The following LUZP2 variants were observed in gnomAD, a reference collection of about 807,000 sequenced individuals.
The protein encoded by LUZP2 is leucine zipper protein 2.
In LUZP2, 52 loss-of-function variants were observed where a neutral mutation model predicts 51.6. The ratio of observed to expected loss-of-function variants is 1.01; its 90% confidence interval spans 0.81 to 1.27. The LOEUF (loss-of-function observed/expected upper bound fraction) is 1.27. Ranked by LOEUF, LUZP2 falls within the 50% of genes most tolerant of loss-of-function variation. LUZP2 has a pLI of 0.00. For synonymous variants in LUZP2, 154 were observed against 137.3 expected, an observed-to-expected ratio of 1.12 and a Z score of -0.85; for missense variants, 436 against 395.4, an observed-to-expected ratio of 1.10 and a Z score of -0.87.
intron 5 of LUZP2, among the ~76,000 whole-genome samples, chr11:24,849,168 A>T (rs1851304672): frequency 1.3e-5 from 2 of 152,092 alleles, no homozygotes; most frequent in African/African-American, 4.8e-5. Context: ...TCTGGTATAT[A>T]TGTGCAGAAC....
intron 1 of LUZP2, among the ~76,000 whole-genome samples, chr11:24,548,892 T>C (rs1261387050): frequency 1.3e-5 from 2 of 152,016 alleles, no homozygotes; most frequent in African/African-American, 2.4e-5. Flanking sequence ...AATTGGTTAA[T>C]TTATTGTATA....
At chr11:24,554,185 T>C (rs554071280) in intron 1 of LUZP2, among the ~76,000 whole-genome samples, 1 of 152,260 alleles carries the variant, frequency 6.6e-6, no homozygotes, top group South Asian at 2.1e-4. Context: ...AAAACTGAAA[T>C]CTTCTAGGTA....
intron 5 of LUZP2, among the ~76,000 whole-genome samples, chr11:24,879,021 C>G (rs762480616): frequency 2.6e-5 from 4 of 151,850 alleles, no homozygotes; most frequent in African/African-American, 4.8e-5. Flanking sequence ...GACTGGAGTA[C>G]AGTGGCTCAA....
chr11:25,030,888 ATATTAT>A (rs1471683600), intron 9 of LUZP2, among the ~76,000 whole-genome samples: 3 of 10,976 alleles, frequency 2.7e-4, no homozygotes, highest in East Asian at 0.026. Context: ...GTTACTATAT[ATATTAT>A]ATATATATAT....
At chr11:24,538,010 C>T (rs1851235051) in intron 1 of LUZP2, among the ~76,000 whole-genome samples, 1 of 125,304 alleles carries the variant, frequency 8.0e-6, no homozygotes. Flanking sequence ...TTTTATAGGG[C>T]CACTTCTTTG....
intron 5 of LUZP2, among the ~76,000 whole-genome samples, chr11:24,884,801 G>C (rs2134305204): frequency 6.6e-6 from 1 of 152,140 alleles, no homozygotes; most frequent in East Asian, 1.9e-4. Flanking sequence ...TAGTTTTACT[G>C]TCAGGTTCCT....
intron 9 of LUZP2, among the ~76,000 whole-genome samples, chr11:25,030,841 C>A (rs557649955): frequency 6.5e-4 from 90 of 137,728 alleles, no homozygotes; most frequent in Non-Finnish European, 9.1e-4. Context: ...AAGCTACTCA[C>A]AATTTGTATG....
intron 5 of LUZP2, among the ~76,000 whole-genome samples, chr11:24,787,838 A>C (rs1355515354): frequency 6.6e-6 from 1 of 152,206 alleles, no homozygotes; most frequent in East Asian, 1.9e-4. Context: ...ATGTTGACCT[A>C]TGCTAGTCTT....
At chr11:24,753,745 T>TCTTGTG (rs756497505) in intron 4 of LUZP2, among the ~76,000 whole-genome samples, 2 of 152,194 alleles carry the variant, frequency 1.3e-5, no homozygotes, top group Non-Finnish European at 2.9e-5. Flanking sequence ...TTTTACCCTC[T>TCTTGTG]CTTGTGCGAA....
chr11:24,499,436 T>C (rs1590105762), intron 1 of LUZP2, among the ~76,000 whole-genome samples: 1 of 152,214 alleles, frequency 6.6e-6, no homozygotes. Flanking sequence ...ACATGGTTAT[T>C]GTGCAGATTA....
chr11:24,658,722 T>A lies in LUZP2; in HGVS notation c.63-70447T>A, dbSNP rs550562497. ...GAATCTACAATGAACTCAAACAAAT[T>A]TACAAGAAAAAAACAACCCCATCAA... On this transcript the variant is annotated intron_variant, in intron 1 of 11. Coordinates refer to ENST00000336930, the MANE Select transcript of LUZP2 (RefSeq NM_001009909.4). Among the ~76,000 whole-genome samples, 3 of 151,744 alleles carry A rather than the reference T, an allele frequency of 2.0e-5. No individual in the cohort carries two copies. In the South Asian group the frequency reaches 6.2e-4, roughly 32 times the overall value.
chr11:24,644,043 A>T (rs954221343), intron 1 of LUZP2, among the ~76,000 whole-genome samples: 1 of 152,170 alleles, frequency 6.6e-6, no homozygotes, highest in Non-Finnish European at 1.5e-5. Context: ...TTTCACATTT[A>T]TACTCCATGA....
At chr11:24,749,823 T>A (rs2134006360) in intron 4 of LUZP2, among the ~76,000 whole-genome samples, 1 of 152,258 alleles carries the variant, frequency 6.6e-6, no homozygotes, top group Non-Finnish European at 1.5e-5. Context: ...TCTCAGGCCA[T>A]CAGCCACAGA....
rs139050364 is a variant in LUZP2, at chr11:24,764,205, G to A, written c.396+897G>A. Among the ~76,000 whole-genome samples the A allele has an allele frequency of 2.9e-3, 441 of 152,246 alleles. 1 individual carries two copies. Among genetic ancestry groups the A allele is most frequent in the Non-Finnish European group, 3.6e-3 (248 of 68,026 alleles). ...TTTATATATGCACATGCACACGTGC[G>A]TGGGCGCGTACACACACAATCAGCA... On this transcript the variant is annotated intron_variant, in intron 5 of 11. Coordinates refer to ENST00000336930, the MANE Select transcript of LUZP2 (RefSeq NM_001009909.4).
At chr11:25,051,947 G>A (rs1483817713) in intron 10 of LUZP2, among the ~76,000 whole-genome samples, 2 of 151,960 alleles carry the variant, frequency 1.3e-5, no homozygotes, top group African/African-American at 4.8e-5. Flanking sequence ...TCTTCTACTT[G>A]TGTTGTTCTC....
intron 5 of LUZP2, among the ~76,000 whole-genome samples, chr11:24,856,506 T>C (rs1259161509): frequency 6.6e-6 from 1 of 152,076 alleles, no homozygotes; most frequent in African/African-American, 2.4e-5. Flanking sequence ...ATACCCTCTA[T>C]AGAAAACTTA....
intron 5 of LUZP2, among the ~76,000 whole-genome samples, chr11:24,882,357 C>G (rs556670068): frequency 6.8e-6 from 1 of 146,612 alleles, no homozygotes; most frequent in Non-Finnish European, 1.5e-5. Context: ...TGATATGCTC[C>G]TTTCTCTCAC....
intron 1 of LUZP2, among the ~76,000 whole-genome samples, chr11:24,644,884 T>A (rs780596457): frequency 6.6e-6 from 1 of 152,198 alleles, no homozygotes; most frequent in Admixed American, 6.6e-5. Context: ...AAGGCCATAA[T>A]TTTTGGCCAA....
intron 1 of LUZP2, among the ~76,000 whole-genome samples, chr11:24,630,462 A>G (rs111705518): frequency 5.3e-5 from 8 of 152,046 alleles, no homozygotes; most frequent in African/African-American, 1.7e-4. Flanking sequence ...TCTACAATGT[A>G]TGTTCTTGTG....
Sources: gnomAD v4.1 joint callset for allele counts (sites outside exome capture counted in the v4.1 genomes callset) on GRCh38, gnomAD v4.1.1 for gene constraint, MANE v1.5 for transcripts, NCBI Gene and HGNC (gene_info 2026-07-23, HGNC 2026-07-21) for gene names.